GRIK1: variants seen among roughly 807,000 people sequenced by gnomAD.
GRIK1 encodes glutamate receptor ionotropic, kainate 1.
GRIK1 carries 69 observed loss-of-function variants against 105.7 expected under a neutral mutation model. The ratio of observed to expected loss-of-function variants is 0.65; its 90% CI spans 0.54 to 0.80. GRIK1 has a LOEUF of 0.80. Ranked by LOEUF, GRIK1 falls within the 30% of genes least tolerant of loss-of-function variation. The pLI is 0.00. For synonymous variants in GRIK1, 438 were observed against 431.3 expected, an observed-to-expected ratio of 1.02 and a Z score of -0.19; for missense variants, 1,109 against 1,167.3, an observed-to-expected ratio of 0.95 and a Z score of 0.73.
At chr21:29,602,611 C>T (rs2061539479) in intron 7 of GRIK1, among the ~76,000 whole-genome samples, 1 of 152,124 alleles carries the variant, frequency 6.6e-6, no homozygotes, top group African/African-American at 2.4e-5. Context: ...GCAAGAATGC[C>T]TGAGCTCACA....
chr21:29,780,808 C>A (rs2066076160), intron 1 of GRIK1, among the ~76,000 whole-genome samples: 1 of 152,182 alleles, frequency 6.6e-6, no homozygotes, highest in Admixed American at 6.5e-5. Context: ...ACTATTGCTT[C>A]TGCCACACCT....
At chr21:29,605,970 G>C (rs1162056426) in intron 7 of GRIK1, among the ~76,000 whole-genome samples, 1 of 150,136 alleles carries the variant, frequency 6.7e-6, no homozygotes, top group East Asian at 2.0e-4. Flanking sequence ...TTGTTTTTAA[G>C]TGACTATTCT....
chr21:29,837,551 A>T (rs930922899), intron 1 of GRIK1, among the ~76,000 whole-genome samples: 10 of 152,200 alleles, frequency 6.6e-5, no homozygotes, highest in Non-Finnish European at 1.5e-4. Flanking sequence ...GGGGGGAATG[A>T]CAGCAAAGAG....
At chr21:29,726,596 C>A (rs920634989) in intron 1 of GRIK1, among the ~76,000 whole-genome samples, 1 of 151,956 alleles carries the variant, frequency 6.6e-6, no homozygotes. Context: ...TTGTTAAGCT[C>A]TCTATATAGT....
chr21:29,887,580 C>G (rs1168153444), intron 1 of GRIK1, among the ~76,000 whole-genome samples: 1 of 152,102 alleles, frequency 6.6e-6, no homozygotes, highest in Non-Finnish European at 1.5e-5. Flanking sequence ...CACCAGGTGT[C>G]TTGTACACAT....
intron 1 of GRIK1, among the ~76,000 whole-genome samples, chr21:29,845,414 T>G (rs946706722): frequency 8.5e-5 from 13 of 152,214 alleles, no homozygotes; most frequent in African/African-American, 2.9e-4. Flanking sequence ...ATTTCAAGCC[T>G]GTCTGTCATG....
chr21:29,903,926 A>G (rs8134900), intron 1 of GRIK1, among the ~76,000 whole-genome samples: 33,625 of 152,156 alleles, frequency 0.22, 4,240 homozygotes, highest in African/African-American at 0.34. Context: ...CATATACACC[A>G]TGGAATACCA....
intron 9 of GRIK1, among the ~76,000 whole-genome samples, chr21:29,594,972 T>C (rs1473688732): frequency 1.3e-5 from 2 of 152,206 alleles, no homozygotes; most frequent in East Asian, 3.8e-4. Flanking sequence ...GGTGAATTTT[T>C]GTTTAAGTTG....
At chr21:29,870,896 C>G (rs1169934680) in intron 1 of GRIK1, among the ~76,000 whole-genome samples, 1 of 152,018 alleles carries the variant, frequency 6.6e-6, no homozygotes, top group Non-Finnish European at 1.5e-5. Flanking sequence ...TTTTGGGTAC[C>G]TGGCTGATCT....
intron 1 of GRIK1, among the ~76,000 whole-genome samples, chr21:29,707,024 C>T (rs113019625): frequency 0.044 from 6,706 of 152,234 alleles, 220 homozygotes; most frequent in Non-Finnish European, 0.068. Flanking sequence ...GCCACCGCGC[C>T]CTGCTAATGT....
At chr21:29,937,001 C>T (rs1001615636) in intron 1 of GRIK1, among the ~76,000 whole-genome samples, 1 of 152,076 alleles carries the variant, frequency 6.6e-6, no homozygotes, top group Non-Finnish European at 1.5e-5. Context: ...GTTGATCGGT[C>T]GGTTGCTTGG....
chr21:29,720,626 T>C (rs1469339863), intron 1 of GRIK1, among the ~76,000 whole-genome samples: 1 of 152,108 alleles, frequency 6.6e-6, no homozygotes, highest in African/African-American at 2.4e-5. Context: ...GGCCGGCTCA[T>C]GGAGCTTCGG....
chr21:29,642,130 G>A (rs1474017316), intron 7 of GRIK1, among the ~76,000 whole-genome samples: 2 of 152,134 alleles, frequency 1.3e-5, no homozygotes, highest in African/African-American at 4.8e-5. Flanking sequence ...GTTCGTGGTG[G>A]AATGGATGAT....
At chr21:29,654,623 A>G (rs1238319003) in intron 5 of GRIK1, among the ~76,000 whole-genome samples, 187 bp downstream of exon 5, 3 of 121,842 alleles carry the variant, frequency 2.5e-5, no homozygotes, top group Non-Finnish European at 5.0e-5. Context: ...GAAAGAAAGA[A>G]AGAAAGAGAA....
intron 1 of GRIK1, among the ~76,000 whole-genome samples, chr21:29,780,492 C>T (rs543676827): frequency 3.3e-5 from 5 of 152,222 alleles, no homozygotes; most frequent in African/African-American, 9.6e-5. Context: ...ACAAGTACCC[C>T]AGAGGTTGCT....
At chr21:29,567,850 T>A (rs1157012869) in intron 14 of GRIK1, among the ~76,000 whole-genome samples, 1 of 152,192 alleles carries the variant, frequency 6.6e-6, no homozygotes, top group Admixed American at 6.5e-5. Flanking sequence ...TGATTTAATT[T>A]ACAAAAATCG....
At chr21:29,795,497 A>G (rs1319410456) in intron 1 of GRIK1, among the ~76,000 whole-genome samples, 1 of 152,138 alleles carries the variant, frequency 6.6e-6, no homozygotes, top group Non-Finnish European at 1.5e-5. Context: ...GTAACCTGTG[A>G]TATCTTCATC....
intron 7 of GRIK1, among the ~76,000 whole-genome samples, chr21:29,632,529 ACACACACG>A (rs2062302819): frequency 7.1e-6 from 1 of 140,728 alleles, no homozygotes; most frequent in Admixed American, 7.1e-5. Context: ...ACACACACAC[ACACACACG>A]GTCTCACAAA....
rs759669461 is a variant in GRIK1 at position 29,693,995 on chromosome 21, T to A, written c.187A>T (p.Thr63Ser). ...VEELAFKFAV[T>S]SINRNRTLMP... ...AGGGTTCGGTTTCTGTTAATGCTGG[T>A]GACTGCAAACTTGAAAGCTAATTCT... The change falls in exon 2 of 18, where the codon ACC becomes TCC. Residue 63 changes from threonine (T) to serine (S), a missense_variant. Around this residue, in one of 5 missense-constraint regions of GRIK1, gnomAD observed 612 missense variants for 586.0 expected, o/e 1.04. Coordinates refer to ENST00000327783, the MANE Select transcript of GRIK1 (RefSeq NM_001330994.2). 1 of 1,611,498 alleles carries A rather than the reference T, an allele frequency of 6.2e-7. No homozygotes were observed. Among genetic ancestry groups the A allele is most frequent in the African/African-American group, 1.3e-5 (1 of 74,900 alleles).
Sources: gnomAD v4.1 joint callset for allele counts (sites outside exome capture counted in the v4.1 genomes callset) on GRCh38, gnomAD v4.1.1 for gene constraint, gnomAD v4.1.1 regional missense constraint, MANE v1.5 for transcripts, NCBI Gene and HGNC (gene_info 2026-07-23, HGNC 2026-07-21) for gene names.